Variants in HDAC4 observed in about 807,000 individuals in gnomAD.
HDAC4 encodes the protein histone deacetylase 4.
Under a neutral mutation model 135.1 loss-of-function variants are expected in HDAC4, and 16 were observed. The ratio of observed to expected loss-of-function variants is 0.12; its 90% CI spans 0.08 to 0.18. HDAC4 has a LOEUF of 0.18. HDAC4 is among the 10% of genes least tolerant of loss of function. The probability of loss-of-function intolerance (pLI) is 1.00; values close to 1 mark genes in which losing one functional copy is unlikely to be tolerated. For missense variants in HDAC4, 1,143 were observed against 1,511.8 expected, an observed-to-expected ratio of 0.76 and a Z score of 4.05; for synonymous variants, 685 against 653.4, an observed-to-expected ratio of 1.05 and a Z score of -0.74.
intron 4 of HDAC4, among the ~76,000 whole-genome samples, chr2:239,181,343 C>T (rs971960380): frequency 3.9e-5 from 6 of 152,208 alleles, no homozygotes; most frequent in Admixed American, 2.0e-4. Flanking sequence ...GCTTGCCTTC[C>T]AGCAGGGGTG....
chr2:239,105,813 C>G (rs1311496810), intron 15 of HDAC4, among the ~76,000 whole-genome samples: 2 of 152,208 alleles, frequency 1.3e-5, no homozygotes, highest in Non-Finnish European at 1.5e-5. Flanking sequence ...GTACCCATGG[C>G]CCCTCTGCTC....
At chr2:239,134,504 C>T (rs74457399) in intron 10 of HDAC4, 23 bp downstream of exon 10, 61 of 1,613,026 alleles carry the variant, frequency 3.8e-5, no homozygotes, top group African/African-American at 3.1e-4. Flanking sequence ...CCACACCACA[C>T]GGACCCACGG....
rs2052085544 is a variant in HDAC4, at chr2:239,299,008, A to G, written c.22+53670T>C. Among the ~76,000 whole-genome samples, 1 of 151,480 alleles carries G rather than the reference A, an allele frequency of 6.6e-6. No homozygotes were observed. Among genetic ancestry groups the G allele is most frequent in the Non-Finnish European group, 1.5e-5 (1 of 67,956 alleles). ...CTCAGCCTCCCGAGTAGCTGGGACT[A>G]CAGGTGCCCGCCACCACGCCCAGCT... is the stretch of plus-strand genomic sequence containing the variant. On this transcript the variant is annotated intron_variant, in intron 2 of 26. Transcript: ENST00000543185. This position sits in a 1 kb window ranked among gnomAD's most constrained non-coding sequence, Gnocchi z 4.0.
intron 1 of HDAC4, among the ~76,000 whole-genome samples, chr2:239,367,981 A>G (rs996904612): frequency 2.6e-5 from 4 of 151,910 alleles, no homozygotes; most frequent in African/African-American, 7.2e-5. Flanking sequence ...CCGTCTCAAA[A>G]TAAATAAATA....
At chr2:239,103,272 G>A (rs1468714274) in intron 15 of HDAC4, among the ~76,000 whole-genome samples, 2 of 152,112 alleles carry the variant, frequency 1.3e-5, no homozygotes, top group Non-Finnish European at 2.9e-5. Flanking sequence ...ACGTTCAAGG[G>A]AAACCCCAGC....
chr2:239,127,844 A>G (rs1438378458), intron 11 of HDAC4, among the ~76,000 whole-genome samples: 1 of 152,208 alleles, frequency 6.6e-6, no homozygotes, highest in Non-Finnish European at 1.5e-5. Context: ...TCCCTCCCCC[A>G]GGACACTGAT....
intron 3 of HDAC4, among the ~76,000 whole-genome samples, chr2:239,206,992 C>G (rs1021743622): frequency 2.0e-5 from 3 of 152,148 alleles, no homozygotes; most frequent in African/African-American, 7.2e-5. Context: ...GACTGAGAGG[C>G]TGGGGATGGG....
intron 6 of HDAC4, chr2:239,162,171 C>T (rs1461845769): frequency 4.4e-6 from 2 of 456,832 alleles, no homozygotes; most frequent in East Asian, 1.4e-4. Flanking sequence ...GCCTCCCAGA[C>T]TCTGTGCTCC....
At chr2:239,173,065 CA>C (rs1163586652) in intron 5 of HDAC4, among the ~76,000 whole-genome samples, 3 of 152,118 alleles carry the variant, frequency 2.0e-5, no homozygotes, top group Admixed American at 2.0e-4. Flanking sequence ...CAGTAAGTTT[CA>C]CAAGATATTT....
At chr2:239,201,201 C>T (rs139730548) in intron 3 of HDAC4, among the ~76,000 whole-genome samples, 2,781 of 152,306 alleles carry the variant, frequency 0.018, 47 homozygotes, top group South Asian at 0.033. Flanking sequence ...CCTGGCTGAA[C>T]AGTGAGAGGA....
chr2:239,202,223 G>A (rs994216874), intron 3 of HDAC4, among the ~76,000 whole-genome samples: 1 of 152,212 alleles, frequency 6.6e-6, no homozygotes, highest in African/African-American at 2.4e-5. Flanking sequence ...AAGCTCTGCA[G>A]TCTCCAGTAC....
In HDAC4 at chr2:239,068,705, C is replaced by A. The variant is rs145529595; in HGVS notation, c.2751-98G>T. ...CCCTCTGGCATTGATAATGCCTGCC[C>A]CGCACCCCCTCGGCCACTGGCGGGC... On this transcript the variant is annotated intron_variant, in intron 22 of 26. Transcript: ENST00000543185. The surrounding 1 kb of genome is among the most constrained non-coding windows in gnomAD (Gnocchi z 4.4). The A allele has an allele frequency of 9.6e-7, 1 of 1,044,252 alleles. No homozygotes were observed. 64.7% of individuals were successfully genotyped at this position (1,044,252 alleles called of 1,614,324 possible). A position where few individuals can be genotyped will look rare whatever the true frequency, so the allele number is the denominator to read the frequency against.
chr2:239,200,897 G>A (rs1057208769), intron 3 of HDAC4, among the ~76,000 whole-genome samples: 2 of 152,168 alleles, frequency 1.3e-5, no homozygotes, highest in African/African-American at 4.8e-5. Context: ...AGAAAAGAAG[G>A]GAGGTGGAGC....
intron 12 of HDAC4, among the ~76,000 whole-genome samples, chr2:239,118,337 C>A (rs1314036369): frequency 1.3e-5 from 2 of 152,200 alleles, no homozygotes; most frequent in East Asian, 1.9e-4. Context: ...CAACCTGGCA[C>A]AGGGAAATGG....
At chr2:239,340,264 C>G (rs1052049025) in intron 2 of HDAC4, among the ~76,000 whole-genome samples, 6 of 152,212 alleles carry the variant, frequency 3.9e-5, no homozygotes, top group Non-Finnish European at 7.3e-5. Flanking sequence ...ACCCGTCTTC[C>G]TGAACCATCG....
intron 2 of HDAC4, among the ~76,000 whole-genome samples, chr2:239,291,190 G>A (rs116672458): frequency 0.016 from 2,376 of 152,316 alleles, 67 homozygotes; most frequent in African/African-American, 0.054. Context: ...TGACTGGGAC[G>A]CTGCCGTCGA....
chr2:239,083,916 G>A (rs1243629298), intron 20 of HDAC4, among the ~76,000 whole-genome samples: 2 of 152,236 alleles, frequency 1.3e-5, no homozygotes, highest in African/African-American at 2.4e-5. Flanking sequence ...GGCCGCTGCC[G>A]TCACCCACAG....
intron 2 of HDAC4, among the ~76,000 whole-genome samples, chr2:239,304,572 A>T (rs1005426836): frequency 2.0e-5 from 3 of 152,130 alleles, no homozygotes; most frequent in Non-Finnish European, 4.4e-5. Flanking sequence ...TCTTCAAAAG[A>T]TATGCTGTTT....
In HDAC4 at chr2:239,303,771, A is replaced by G. The variant is rs1319864048; in HGVS notation, c.22+48907T>C. Among the ~76,000 whole-genome samples, 1 of 152,164 alleles carries G rather than the reference A, an allele frequency of 6.6e-6. No homozygotes were observed. The highest frequency in any genetic ancestry group is 1.5e-5 in the Non-Finnish European group (1 of 68,014). Reference sequence around the variant, plus strand: ...CTCACTCTTCAAAAGCGACTGCGACAGCTGCATCCCCCGTGCTCAACTGCA... The same window carrying G: ...CTCACTCTTCAAAAGCGACTGCGACGGCTGCATCCCCCGTGCTCAACTGCA... On this transcript the variant is annotated intron_variant, in intron 2 of 26. Coordinates refer to ENST00000543185, the MANE Select transcript of HDAC4 (RefSeq NM_001378414.1). The surrounding 1 kb of genome is among the most constrained non-coding windows in gnomAD (Gnocchi z 5.1).
Sources: gnomAD v4.1 joint callset for allele counts (sites outside exome capture counted in the v4.1 genomes callset) on GRCh38, gnomAD v4.1.1 for gene constraint, Gnocchi (gnomAD v3.1) non-coding constraint, MANE v1.5 for transcripts, NCBI Gene and HGNC (gene_info 2026-07-23, HGNC 2026-07-21) for gene names.